ST14: variants seen among roughly 807,000 people sequenced by gnomAD.
The protein encoded by ST14 is ST14 transmembrane serine protease matriptase, also known as suppressor of tumorigenicity 14 protein.
In ST14, 40 loss-of-function variants were observed where a neutral mutation model predicts 96.5. The observed-to-expected ratio is 0.41, with a 90% confidence interval of 0.32 to 0.54. The LOEUF is 0.54. ST14 is among the 20% of genes least tolerant of loss of function. The pLI is 0.17. For synonymous variants in ST14, 506 were observed against 492.1 expected, an observed-to-expected ratio of 1.03 and a Z score of -0.37; for missense variants, 1,066 against 1,188.9, an observed-to-expected ratio of 0.90 and a Z score of 1.52.
chr11:130,179,925 A>G (rs1296788850), intron 1 of ST14, among the ~76,000 whole-genome samples: 1 of 152,180 alleles, frequency 6.6e-6, no homozygotes, highest in Non-Finnish European at 1.5e-5. Flanking sequence ...AAAGGAAGGC[A>G]TCTTCGACCT....
chr11:130,190,670 C>T lies in ST14; in HGVS notation c.851C>T (p.Pro284Leu), dbSNP rs759325349. Reference sequence around the variant, plus strand: ...GTGACGGTGTACAACACCCTGAGCCCCATGGAGCCCCACGCCCTGGTGCAG... The same window carrying T: ...GTGACGGTGTACAACACCCTGAGCCTCATGGAGCCCCACGCCCTGGTGCAG... ...DLVTVYNTLS[P>L]MEPHALVQLC... Residue 284 changes from proline (P) to leucine (L), a missense_variant, in exon 7 of 19, where the codon CCC becomes CTC. Pro to Leu is a moderately conservative substitution (Grantham distance 98, BLOSUM62 -3). Transcript: ENST00000278742. 1.3e-6 allele frequency: 2 copies of T among 1,595,704 alleles called. No homozygotes were observed. Among genetic ancestry groups the T allele is most frequent in the Admixed American group, 3.5e-5 (2 of 57,454 alleles).
rs1229708579 is a variant in ST14 at position 130,159,920 on chromosome 11, A to T, written c.-60A>T. On this transcript the variant is annotated 5_prime_UTR_variant, in exon 1 of 19. It removes an upstream start codon present in the reference 5' UTR. Transcript: ENST00000278742. Reference sequence around the variant, plus strand: ...CCCCGCGCCCCGCGCCCTGCGGGCCATGGGAGCCGGCCGCCGGCAGGGACG... The same window carrying T: ...CCCCGCGCCCCGCGCCCTGCGGGCCTTGGGAGCCGGCCGCCGGCAGGGACG... The T allele has an allele frequency of 1.5e-4, 160 of 1,081,052 alleles. No individual in the cohort carries two copies. The highest frequency in any genetic ancestry group is 1.8e-4 in the Non-Finnish European group (152 of 848,944). 67.0% of individuals were successfully genotyped at this position (1,081,052 alleles called of 1,614,324 possible). A position where few individuals can be genotyped will look rare whatever the true frequency, so the allele number is the denominator to read the frequency against.
chr11:130,198,470 C>T lies in ST14; in HGVS notation c.1571-38C>T, dbSNP rs188543086. 8.3e-4 allele frequency: 1,336 copies of T among 1,612,642 alleles called. 16 individuals are homozygous for T. In the African/African-American group the frequency reaches 0.015, roughly 18 times the overall value. On this transcript the variant is annotated intron_variant, in intron 13 of 18. Transcript: ENST00000278742. ...GCGGGCAGGTGGGCGGGGCGACTGA[C>T]GGTGGCTCCTGGTGGCTGAGTCCTG... is the stretch of plus-strand genomic sequence containing the variant.
At chr11:130,192,182 G>A (rs528578782) in intron 7 of ST14, among the ~76,000 whole-genome samples, 117 of 152,310 alleles carry the variant, frequency 7.7e-4, no homozygotes, top group African/African-American at 2.4e-3. Context: ...CTCGGCGGAC[G>A]TTTCCTGATT....
In ST14 at chr11:130,209,954, TC is replaced by T. The variant is rs1953535209; in HGVS notation, c.*133del. 3 of 1,129,454 alleles carry T rather than the reference TC, an allele frequency of 2.7e-6. No homozygotes were observed. The highest frequency in any genetic ancestry group is 3.7e-6 in the Non-Finnish European group (3 of 802,992). 70.0% of individuals were successfully genotyped at this position (1,129,454 alleles called of 1,614,324 possible). ...CAGAACATACACTGTGAACTCAATC[TC>T]CAGGGCTCCAAATCTGCCTAGAAAA... On this transcript the variant is annotated 3_prime_UTR_variant, in exon 19 of 19. Coordinates refer to ENST00000278742, the MANE Select transcript of ST14 (RefSeq NM_021978.4).
chr11:130,182,149 CCTT>C (rs1325068736), intron 1 of ST14, among the ~76,000 whole-genome samples: 1 of 152,204 alleles, frequency 6.6e-6, no homozygotes. Flanking sequence ...TTCTTCCCTG[CCTT>C]CTTTATATAA....
rs796908445 is a variant in ST14 at position 130,210,076 on chromosome 11, C to T, written c.*253C>T. ...CCAACTGGGGGCAAAGGTTTGAAGACACAGCCTCCCCCGCCAGCCCCAAGC... is the reference window on the plus strand; with the variant it reads ...CCAACTGGGGGCAAAGGTTTGAAGATACAGCCTCCCCCGCCAGCCCCAAGC... On this transcript the variant is annotated 3_prime_UTR_variant, in exon 19 of 19. Coordinates refer to ENST00000278742, the MANE Select transcript of ST14 (RefSeq NM_021978.4). 2.5e-5 allele frequency: 13 copies of T among 519,538 alleles called. No individual in the cohort carries two copies. Among genetic ancestry groups the T allele is most frequent in the African/African-American group, 2.3e-4 (12 of 52,412 alleles). The allele number at this position is 519,538 out of a possible 1,614,324, so 32.2% of individuals were successfully genotyped here.
At chr11:130,169,341 C>T (rs1380686307) in intron 1 of ST14, among the ~76,000 whole-genome samples, 2 of 152,130 alleles carry the variant, frequency 1.3e-5, no homozygotes, top group Admixed American at 6.6e-5. Flanking sequence ...GTGATCCACC[C>T]GCCTTGGCCT....
intron 9 of ST14, among the ~76,000 whole-genome samples, 200 bp from the exon 10 acceptor site, chr11:130,196,139 G>A (rs975011579): frequency 3.3e-5 from 5 of 152,228 alleles, no homozygotes; most frequent in African/African-American, 4.8e-5. Flanking sequence ...CAGCCTGGGC[G>A]ACAGAGCAAG....
At chr11:130,203,250 G>A (rs1218548843) in intron 16 of ST14, among the ~76,000 whole-genome samples, 1 of 152,134 alleles carries the variant, frequency 6.6e-6, no homozygotes, top group African/African-American at 2.4e-5. Flanking sequence ...AGAGGGACAA[G>A]GATGGCTCTC....
chr11:130,204,525 A>G (rs1953466722), intron 16 of ST14, among the ~76,000 whole-genome samples: 1 of 152,192 alleles, frequency 6.6e-6, no homozygotes, highest in Non-Finnish European at 1.5e-5. Context: ...GAAAGGCCAG[A>G]AGGGGGCCTG....
At chr11:130,208,277 G>A in intron 16 of ST14, 133 bp from the exon 17 acceptor site, 1 of 1,279,372 alleles carries the variant, frequency 7.8e-7, no homozygotes, top group Non-Finnish European at 1.1e-6. Context: ...CCAAGTAAGA[G>A]CCGGCCCCAT....
intron 1 of ST14, among the ~76,000 whole-genome samples, chr11:130,177,478 G>A (rs374536159): frequency 7.2e-5 from 11 of 152,232 alleles, no homozygotes; most frequent in South Asian, 4.2e-4. Context: ...CAGGAGAACC[G>A]CTTGAACCTG....
At chr11:130,189,497 A>C in intron 4 of ST14, 1 of 576,384 alleles carries the variant, frequency 1.7e-6, no homozygotes, top group Non-Finnish European at 3.1e-6. Flanking sequence ...CCTCATTCCT[A>C]CCCCTGAGCA....
intron 4 of ST14, chr11:130,189,333 C>T (rs1046995998): frequency 2.3e-6 from 1 of 441,606 alleles, no homozygotes; most frequent in African/African-American, 2.0e-5. Flanking sequence ...ACTTTATTCT[C>T]AAAGTGCTTT....
At chr11:130,186,445 G>A (rs191725098) in intron 1 of ST14, among the ~76,000 whole-genome samples, 372 of 152,254 alleles carry the variant, frequency 2.4e-3, no homozygotes, top group Non-Finnish European at 3.4e-3. Flanking sequence ...AAGGACAGGC[G>A]GCTCCAGGAC....
At chr11:130,202,099 G>A (rs961496890) in intron 16 of ST14, among the ~76,000 whole-genome samples, 2 of 152,190 alleles carry the variant, frequency 1.3e-5, no homozygotes, top group African/African-American at 4.8e-5. Context: ...TTGTCACCAT[G>A]GTGTCATGTC....
chr11:130,190,007 G>A (rs1591887701), intron 5 of ST14, 106 bp from the exon 6 acceptor site: 1 of 1,610,720 alleles, frequency 6.2e-7, no homozygotes, highest in Non-Finnish European at 8.5e-7. Context: ...GTGCCCCAGA[G>A]AGAAGACTAC....
chr11:130,170,125 G>A (rs1281536811), intron 1 of ST14, among the ~76,000 whole-genome samples: 2 of 152,144 alleles, frequency 1.3e-5, no homozygotes, highest in East Asian at 1.9e-4. Context: ...ACACTGAACT[G>A]AGGACCAGGA....
Sources: gnomAD v4.1 joint callset for allele counts (sites outside exome capture counted in the v4.1 genomes callset) on GRCh38, gnomAD v4.1.1 for gene constraint, MANE v1.5 for transcripts, NCBI Gene and HGNC (gene_info 2026-07-23, HGNC 2026-07-21) for gene names.